The following IL1RAPL2 variants were observed in gnomAD, a reference collection of about 807,000 sequenced individuals.
IL1RAPL2 encodes the protein X-linked interleukin-1 receptor accessory protein-like 2.
Under a neutral mutation model 44.1 loss-of-function variants are expected in IL1RAPL2, and 3 were observed. That is an observed-to-expected ratio of 0.07 (90% CI 0.03 to 0.18). IL1RAPL2 has a LOEUF of 0.18. IL1RAPL2 is among the 10% of genes least tolerant of loss of function. IL1RAPL2 has a pLI of 1.00. For synonymous variants in IL1RAPL2, 181 were observed against 178.8 expected, an observed-to-expected ratio of 1.01 and a Z score of -0.10; for missense variants, 391 against 496.4, an observed-to-expected ratio of 0.79 and a Z score of 2.02.
At chrX:105,526,491 A>G (rs2036595596) in intron 6 of IL1RAPL2, among the ~76,000 whole-genome samples, 1 of 111,903 alleles carries the variant, frequency 8.9e-6, no homozygotes, top group Admixed American at 9.5e-5. Context: ...GTGTTCTCCC[A>G]TGTATCAAAG....
intron 3 of IL1RAPL2, among the ~76,000 whole-genome samples, chrX:105,229,051 C>T (rs1361078529): frequency 2.7e-5 from 3 of 111,964 alleles, no homozygotes; most frequent in Non-Finnish European, 5.6e-5. Context: ...TTGTCTTCCT[C>T]AGGATGTGAA....
At chrX:105,645,149 C>T (rs565811022) in intron 6 of IL1RAPL2, among the ~76,000 whole-genome samples, 1 of 111,729 alleles carries the variant, frequency 9.0e-6, no homozygotes, top group South Asian at 3.8e-4. Context: ...GGCAGCCATG[C>T]AGCAAGTCCT....
intron 1 of IL1RAPL2, among the ~76,000 whole-genome samples, chrX:104,649,328 A>C (rs2148019600): frequency 8.9e-6 from 1 of 111,751 alleles, no homozygotes; most frequent in South Asian, 3.7e-4. Flanking sequence ...AATGCTGTAA[A>C]AAGGATTTCT....
chrX:105,423,918 A>G (rs1342518605), intron 5 of IL1RAPL2, among the ~76,000 whole-genome samples: 1 of 110,734 alleles, frequency 9.0e-6, no homozygotes, highest in Non-Finnish European at 1.9e-5. Flanking sequence ...GATCTTGACC[A>G]AATTTGGGGA....
chrX:105,035,636 A>T (rs191443224), intron 2 of IL1RAPL2, among the ~76,000 whole-genome samples: 1 of 112,359 alleles, frequency 8.9e-6, no homozygotes, highest in Admixed American at 9.4e-5. Context: ...TTTATATCCC[A>T]TGGAACTAAT....
At chrX:104,573,963 A>T in intron 1 of IL1RAPL2, among the ~76,000 whole-genome samples, 1 of 111,874 alleles carries the variant, frequency 8.9e-6, no homozygotes, top group Non-Finnish European at 1.9e-5. Context: ...ACCAAAGTTA[A>T]TTCCAGCTTT....
intron 2 of IL1RAPL2, among the ~76,000 whole-genome samples, chrX:104,714,394 G>A (rs1480624242): frequency 2.7e-5 from 3 of 110,707 alleles, no homozygotes; most frequent in Non-Finnish European, 3.8e-5. Flanking sequence ...TGAATCATGG[G>A]GGCAGTTTCC....
chrX:104,567,831 G>A (rs1048412786), intron 1 of IL1RAPL2, among the ~76,000 whole-genome samples: 42 of 112,302 alleles, frequency 3.7e-4, no homozygotes, highest in Middle Eastern at 4.6e-3. Context: ...AGCTTGATCT[G>A]TCACCATCAG....
rs145356206 is a variant in IL1RAPL2 at position 105,161,012 on chromosome X, G to A, written c.83-34463G>A. ...CCCAGCACTTTGGAAGGCCAAGGTG[G>A]GAGGATTGCTTGAGGCCAGCAGTTT... On this transcript the variant is annotated intron_variant, in intron 2 of 10. Coordinates refer to ENST00000372582, the MANE Select transcript of IL1RAPL2 (RefSeq NM_017416.2). Among the ~76,000 whole-genome samples, 824 of 111,152 alleles carry A rather than the reference G, an allele frequency of 7.4e-3. 8 individuals are homozygous for A. The highest frequency in any genetic ancestry group is 0.026 in the African/African-American group (781 of 30,518).
chrX:104,731,549 G>T (rs12689664), intron 2 of IL1RAPL2, among the ~76,000 whole-genome samples: 59,233 of 108,920 alleles, frequency 0.54, 12,915 homozygotes, highest in African/African-American at 0.81. Flanking sequence ...ATTACAGGTG[G>T]GCACAACCAT....
rs369296585 is a variant in IL1RAPL2, at chrX:104,896,116, C to G, written c.82+237121C>G. 8.9e-5 allele frequency among the ~76,000 whole-genome samples: 10 copies of G among 111,820 alleles called. No individual in the cohort carries two copies. The East Asian group carries it at 1.7e-3, about 19-fold the overall frequency. On this transcript the variant is annotated intron_variant, in intron 2 of 10. Coordinates refer to ENST00000372582, the MANE Select transcript of IL1RAPL2 (RefSeq NM_017416.2). Reference sequence around the variant, plus strand: ...AAAAGGCTTCTGAAATCACACAACACCTTTCAAACTCTTATACCAACCTCT... The same window carrying G: ...AAAAGGCTTCTGAAATCACACAACAGCTTTCAAACTCTTATACCAACCTCT...
At chrX:105,037,937 T>G (rs2031657672) in intron 2 of IL1RAPL2, among the ~76,000 whole-genome samples, 1 of 111,769 alleles carries the variant, frequency 8.9e-6, no homozygotes, top group Non-Finnish European at 1.9e-5. Flanking sequence ...TTCCAAAGTG[T>G]CCAATTAAGC....
At chrX:104,895,427 C>A (rs1182115538) in intron 2 of IL1RAPL2, among the ~76,000 whole-genome samples, 2 of 112,743 alleles carry the variant, frequency 1.8e-5, no homozygotes, top group East Asian at 2.8e-4. Flanking sequence ...CTGTGGTGGG[C>A]TCCACCCAGT....
At chrX:105,527,456 G>A (rs2036602777) in intron 6 of IL1RAPL2, among the ~76,000 whole-genome samples, 1 of 108,679 alleles carries the variant, frequency 9.2e-6, no homozygotes, top group Non-Finnish European at 1.9e-5. Flanking sequence ...GTGTGTGTGT[G>A]TGTGTGTGTG....
At chrX:105,679,546 A>C (rs1347640134) in intron 6 of IL1RAPL2, among the ~76,000 whole-genome samples, 3 of 112,239 alleles carry the variant, frequency 2.7e-5, no homozygotes, top group Non-Finnish European at 5.6e-5. Flanking sequence ...TTCCAAGGTG[A>C]AGTGGATGAA....
At chrX:105,006,764 T>A (rs2030949828) in intron 2 of IL1RAPL2, among the ~76,000 whole-genome samples, 1 of 111,459 alleles carries the variant, frequency 9.0e-6, no homozygotes, top group Admixed American at 9.6e-5. Context: ...ATTTTGAGAT[T>A]GTGTCACTGT....
intron 6 of IL1RAPL2, among the ~76,000 whole-genome samples, chrX:105,548,639 G>C (rs1001795473): frequency 5.4e-5 from 6 of 111,605 alleles, no homozygotes; most frequent in African/African-American, 2.0e-4. Context: ...TGTGATAGCA[G>C]TATAGGATGT....
chrX:105,700,662 A>C (rs1307799393), intron 6 of IL1RAPL2, among the ~76,000 whole-genome samples: 1 of 110,982 alleles, frequency 9.0e-6, no homozygotes, highest in African/African-American at 3.3e-5. Context: ...CATTAAGAAA[A>C]AAGATATTAC....
chrX:104,632,592 C>G (rs1184370749), intron 1 of IL1RAPL2, among the ~76,000 whole-genome samples: 2 of 107,341 alleles, frequency 1.9e-5, no homozygotes, highest in Non-Finnish European at 3.9e-5. Context: ...GTATTTTATT[C>G]TCTTTGAAGC....
Sources: allele counts gnomAD v4.1 joint callset (sites outside exome capture counted in the v4.1 genomes callset), GRCh38; gene constraint gnomAD v4.1.1; transcripts MANE v1.5; gene names NCBI Gene and HGNC (gene_info 2026-07-23, HGNC 2026-07-21).